The following LTBP1 variants were observed in gnomAD, a reference collection of about 807,000 sequenced individuals.
LTBP1 encodes the protein latent-transforming growth factor beta-binding protein 1.
In LTBP1, 129 loss-of-function variants were observed where a neutral mutation model predicts 207.6. The ratio of observed to expected loss-of-function variants is 0.62; its 90% CI spans 0.54 to 0.72. The LOEUF (loss-of-function observed/expected upper bound fraction) is 0.72, where lower values mean the gene tolerates loss of function less well. Among genes scored for constraint, LTBP1 ranks in the 30% least tolerant of loss-of-function variants. The pLI is 0.00. For missense variants in LTBP1, 2,281 were observed against 2,217.2 expected (o/e 1.03, Z -0.58); for synonymous variants, 963 against 833.7 (o/e 1.16, Z -2.67).
intron 9 of LTBP1, among the ~76,000 whole-genome samples, chr2:33,240,480 C>T (rs1161850211): frequency 2.0e-5 from 3 of 152,088 alleles, no homozygotes; most frequent in Non-Finnish European, 4.4e-5. Context: ...AAGCTTGTGA[C>T]TACCTGTCTA....
chr2:33,053,501 C>A (rs984861377), intron 3 of LTBP1, among the ~76,000 whole-genome samples: 1 of 152,042 alleles, frequency 6.6e-6, no homozygotes, highest in Non-Finnish European at 1.5e-5. Flanking sequence ...TCGCAGCCCT[C>A]GCTCGCTCTC....
chr2:33,329,296 G>A (rs2094466911), intron 24 of LTBP1, among the ~76,000 whole-genome samples: 1 of 151,998 alleles, frequency 6.6e-6, no homozygotes, highest in African/African-American at 2.4e-5. Flanking sequence ...TTGGCCCTTT[G>A]GATATTGTTT....
Position 33,342,951 on chromosome 2 carries a change from C to T in LTBP1, c.3844C>T (p.Gln1282Ter). Residue 1282 changes from glutamine (Q) to a stop codon, truncating the protein, a stop_gained, in exon 25 of 34, where the codon CAA (glutamine) becomes TAA (stop). Transcript: ENST00000404816. LOFTEE classifies it high-confidence loss of function. Reference sequence around the variant, plus strand: ...GGGCTTTCAAGCCCCACAGGATGGGCAAGGGTGTGTGGGTGAGTTTTTAGA... The same window carrying T: ...GGGCTTTCAAGCCCCACAGGATGGGTAAGGGTGTGTGGGTGAGTTTTTAGA... ...YQGFQAPQDG[Q>*]GCVDVNECEL... 2 of 1,613,296 alleles carry T rather than the reference C, an allele frequency of 1.2e-6. No homozygotes were observed. Among genetic ancestry groups the T allele is most frequent in the Non-Finnish European group, 1.7e-6 (2 of 1,179,468 alleles).
At chr2:33,224,775 T>C (rs1229528892) in intron 9 of LTBP1, among the ~76,000 whole-genome samples, 3 of 152,204 alleles carry the variant, frequency 2.0e-5, no homozygotes, top group Non-Finnish European at 4.4e-5. Context: ...TCCCTTTTAG[T>C]TATATTGCTA....
intron 9 of LTBP1, among the ~76,000 whole-genome samples, chr2:33,234,321 T>C (rs2149607604): frequency 6.6e-6 from 1 of 152,244 alleles, no homozygotes; most frequent in South Asian, 2.1e-4. Context: ...TAGAAGGTTT[T>C]TGGGAATATA....
Position 33,342,942 on chromosome 2 carries a change from C to G in LTBP1, c.3835C>G (p.Gln1279Glu). The G allele has an allele frequency of 6.2e-7, 1 of 1,613,858 alleles. No individual in the cohort carries two copies. ...CTGTTATCAGGGCTTTCAAGCCCCACAGGATGGGCAAGGGTGTGTGGGTGA... is the reference window on the plus strand; with the variant it reads ...CTGTTATCAGGGCTTTCAAGCCCCAGAGGATGGGCAAGGGTGTGTGGGTGA... ...CLCYQGFQAP[Q>E]DGQGCVDVNE... is the part of the protein sequence containing the mutation. The change falls in exon 25 of 34, where the codon CAG becomes GAG. Residue 1279 changes from glutamine to glutamate, a missense_variant. Gln to Glu is a conservative substitution (Grantham distance 29). This residue lies in a region of LTBP1 where 1,671 missense variants were observed against 1,634.8 expected (regional missense o/e 1.02). Transcript: ENST00000404816.
intron 2 of LTBP1, among the ~76,000 whole-genome samples, chr2:32,999,877 C>G (rs6717003): frequency 2.3e-5 from 3 of 132,136 alleles, no homozygotes; most frequent in Admixed American, 7.8e-5. Flanking sequence ...TGTGAGAGAT[C>G]GAGGGAGGCA....
rs200740283 is a variant in LTBP1 at position 33,130,895 on chromosome 2, AT to A, written c.1034-3890del. ...TCACCTAAAGGGATCTAAAAATTGC[AT>A]TTTTTTTCCTCCAAAGGACCAAGCA... On this transcript the variant is annotated intron_variant, in intron 4 of 33. Coordinates refer to ENST00000404816, the MANE Select transcript of LTBP1 (RefSeq NM_206943.4). 3.0e-4 allele frequency among the ~76,000 whole-genome samples: 46 copies of A among 152,044 alleles called. 1 individual carries two copies. Among genetic ancestry groups the A allele is most frequent in the African/African-American group, 1.1e-3 (45 of 41,476 alleles).
intron 2 of LTBP1, among the ~76,000 whole-genome samples, chr2:33,008,974 C>A (rs150428243): frequency 1.3e-5 from 2 of 152,086 alleles, no homozygotes; most frequent in South Asian, 4.2e-4. Context: ...GTGTGGCACT[C>A]AAGGGAGTGC....
At chr2:33,275,963 G>A in intron 18 of LTBP1, 40 bp downstream of exon 18, 1 of 1,528,320 alleles carries the variant, frequency 6.5e-7, no homozygotes, top group South Asian at 1.3e-5. Flanking sequence ...TGACGGTGAT[G>A]TGCAGGGTTG....
At chr2:33,358,841 C>T (rs1251161089) in intron 26 of LTBP1, among the ~76,000 whole-genome samples, 3 of 152,152 alleles carry the variant, frequency 2.0e-5, no homozygotes, top group African/African-American at 7.2e-5. Context: ...GATTTAATAA[C>T]AATTTAAAAT....
intron 3 of LTBP1, among the ~76,000 whole-genome samples, chr2:33,054,346 T>G (rs2076885778): frequency 6.6e-6 from 1 of 152,220 alleles, no homozygotes. Flanking sequence ...TTAAGGGATA[T>G]TGCCTTTGAT....
intron 26 of LTBP1, among the ~76,000 whole-genome samples, chr2:33,351,396 G>C (rs951246711): frequency 6.6e-6 from 1 of 152,162 alleles, no homozygotes; most frequent in Non-Finnish European, 1.5e-5. Flanking sequence ...AGGACAACAA[G>C]ACATCAAATT....
In LTBP1 at chr2:33,341,727, A is replaced by ATATATATATATATAT. The variant is rs1285574448; in HGVS notation, c.3731-1111_3731-1110insTATATATATATATAT. Among the ~76,000 whole-genome samples, 15 of 89,606 alleles carry ATATATATATATATAT rather than the reference A, an allele frequency of 1.7e-4. No individual in the cohort carries two copies. In the East Asian group the frequency reaches 3.1e-3, roughly 19 times the overall value. The allele number at this position is 89,606 out of a possible 152,430, so 58.8% of individuals were successfully genotyped here. ...CTCCGTCTCACTCAAAAAAAAAAAA[A>ATATATATATATATAT]AAATATATATATATATATGTATATT... is the stretch of plus-strand genomic sequence containing the variant. On this transcript the variant is annotated intron_variant, in intron 24 of 33. Coordinates refer to ENST00000404816, the MANE Select transcript of LTBP1 (RefSeq NM_206943.4).
At chr2:33,184,800 G>A (rs1292817204) in intron 5 of LTBP1, among the ~76,000 whole-genome samples, 9 of 121,958 alleles carry the variant, frequency 7.4e-5, no homozygotes, top group Admixed American at 4.3e-4. Flanking sequence ...TTTTTTTTTA[G>A]CATTTCTTCT....
At chr2:33,113,898 T>G (rs1288977365) in intron 4 of LTBP1, among the ~76,000 whole-genome samples, 1 of 152,214 alleles carries the variant, frequency 6.6e-6, no homozygotes, top group Non-Finnish European at 1.5e-5. Flanking sequence ...TGGAGTGCAG[T>G]GGCATGATCT....
chr2:33,253,706 C>G (rs746252992), intron 11 of LTBP1, among the ~76,000 whole-genome samples: 1 of 151,996 alleles, frequency 6.6e-6, no homozygotes, highest in African/African-American at 2.4e-5. Context: ...CCATAGCAGA[C>G]AAGATTTAAA....
At chr2:33,044,681 TTG>T (rs758718141) in intron 3 of LTBP1, among the ~76,000 whole-genome samples, 7 of 152,348 alleles carry the variant, frequency 4.6e-5, no homozygotes, top group Non-Finnish European at 1.5e-5. Context: ...CCTTGAGGAA[TTG>T]TCACACTGTC....
intron 5 of LTBP1, among the ~76,000 whole-genome samples, chr2:33,160,322 A>C (rs2084353787): frequency 6.6e-6 from 1 of 152,220 alleles, no homozygotes; most frequent in Non-Finnish European, 1.5e-5. Flanking sequence ...TTGGTGGATG[A>C]ATCGCAAAAC....
Sources: allele counts gnomAD v4.1 joint callset (sites outside exome capture counted in the v4.1 genomes callset), GRCh38; gene constraint gnomAD v4.1.1; regional missense constraint gnomAD v4.1.1; transcripts MANE v1.5; gene names NCBI Gene and HGNC (gene_info 2026-07-23, HGNC 2026-07-21).